METTL2B: variants seen among roughly 807,000 people sequenced by gnomAD.
METTL2B encodes the protein methyltransferase 2B, tRNA N3-cytidine.
In METTL2B, 28 loss-of-function variants were observed where a neutral mutation model predicts 51.0. The ratio of observed to expected loss-of-function variants is 0.55; its 90% confidence interval spans 0.41 to 0.75. The LOEUF is 0.75. Among genes scored for constraint, METTL2B ranks in the 30% least tolerant of loss-of-function variants. METTL2B has a pLI of 0.00. For missense variants in METTL2B, 313 were observed against 460.7 expected (o/e 0.68, Z 2.93); for synonymous variants, 128 against 166.3 (o/e 0.77, Z 1.77).
chr7:128,500,580 C>A (rs1288900193), intron 7 of METTL2B, among the ~76,000 whole-genome samples: 1 of 152,070 alleles, frequency 6.6e-6, no homozygotes, highest in Admixed American at 6.6e-5. Flanking sequence ...TGAGGTCACG[C>A]CATTGCACCC....
At chr7:128,481,500 GAAGGA>G (rs1799872641) in intron 4 of METTL2B, among the ~76,000 whole-genome samples, 3 of 152,240 alleles carry the variant, frequency 2.0e-5, no homozygotes, top group Non-Finnish European at 4.4e-5. Context: ...TGTTTGTTAT[GAAGGA>G]TACAGATTAA....
At chr7:128,481,826 G>A (rs568480785) in intron 4 of METTL2B, among the ~76,000 whole-genome samples, 36 of 152,112 alleles carry the variant, frequency 2.4e-4, no homozygotes, top group Non-Finnish European at 4.0e-4. Context: ...TTTATTTTTT[G>A]TAGAGACAGG....
chr7:128,484,217 C>CTTTTTTTTTTTTGTTTTTT (rs1428525341), intron 4 of METTL2B: 3 of 42,412 alleles, frequency 7.1e-5, no homozygotes, highest in African/African-American at 3.0e-4. Context: ...TGCCTAGATC[C>CTTTTTTTTTTTTGTTTTTT]TTTTTTTTTT....
chr7:128,496,111 C>T (rs1293424237), intron 6 of METTL2B, among the ~76,000 whole-genome samples: 1 of 152,134 alleles, frequency 6.6e-6, no homozygotes, highest in Non-Finnish European at 1.5e-5. Flanking sequence ...AGGATAGGAG[C>T]TTTGAGTGAT....
At chr7:128,481,765 C>T (rs1425002419) in intron 4 of METTL2B, among the ~76,000 whole-genome samples, 2 of 152,192 alleles carry the variant, frequency 1.3e-5, no homozygotes, top group African/African-American at 2.4e-5. Flanking sequence ...ACCTCAGCCT[C>T]CCAAGTAGCT....
At chr7:128,484,369 C>T (rs1355292356) in intron 4 of METTL2B, among the ~76,000 whole-genome samples, 4 of 151,170 alleles carry the variant, frequency 2.6e-5, no homozygotes, top group Admixed American at 1.3e-4. Flanking sequence ...GGACAACAGG[C>T]GTGTGCCACC....
intron 4 of METTL2B, chr7:128,484,232 T>TTTTTTTTTTTTTGTTTTTTTTTTGTTG (rs1792654248): frequency 3.6e-5 from 3 of 83,568 alleles, no homozygotes; most frequent in African/African-American, 1.5e-4. Flanking sequence ...TTTTTTTTTT[T>TTTTTTTTTTTTTGTTTTTTTTTTGTTG]TTTTTTTTTT....
intron 6 of METTL2B, among the ~76,000 whole-genome samples, chr7:128,496,140 C>T (rs1430220475): frequency 6.8e-6 from 1 of 147,460 alleles, no homozygotes; most frequent in East Asian, 1.9e-4. Context: ...CTCTAGAAGG[C>T]CACACTTCCT....
intron 6 of METTL2B, among the ~76,000 whole-genome samples, chr7:128,496,121 T>C (rs1212151887): frequency 7.2e-5 from 11 of 152,238 alleles, no homozygotes; most frequent in Non-Finnish European, 1.5e-4. Context: ...CTTTGAGTGA[T>C]TGACCTTCCT....
chr7:128,493,661 T>C, intron 5 of METTL2B, 143 bp from the exon 6 acceptor site: 5 of 1,181,398 alleles, frequency 4.2e-6, no homozygotes, highest in Non-Finnish European at 5.8e-6. Context: ...GGGGAGATTT[T>C]GCCTCAAGAA....
intron 6 of METTL2B, among the ~76,000 whole-genome samples, chr7:128,495,453 T>C (rs117245057): frequency 0.03 from 4,571 of 152,056 alleles, 109 homozygotes; most frequent in Non-Finnish European, 0.046. Flanking sequence ...CTTCTCTCTT[T>C]TTTTTATTTT....
In METTL2B at chr7:128,477,186, G is replaced by A; in HGVS notation, c.202+13G>A. 6.2e-7 allele frequency: 1 copy of A among 1,613,818 alleles called. No homozygotes were observed. Among genetic ancestry groups the A allele is most frequent in the East Asian group, 2.2e-5 (1 of 44,880 alleles). ...CAGGAGAAACAAGGTGCGCTTAAATGGGCTCTCGTTGGTATCAACAGCCAG... is the reference window on the plus strand; with the variant it reads ...CAGGAGAAACAAGGTGCGCTTAAATAGGCTCTCGTTGGTATCAACAGCCAG... On this transcript the variant is annotated intron_variant, in intron 2 of 8. Coordinates refer to ENST00000262432, the MANE Select transcript of METTL2B (RefSeq NM_018396.3).
chr7:128,488,979 G>A (rs1012923563), intron 5 of METTL2B, among the ~76,000 whole-genome samples: 10 of 152,026 alleles, frequency 6.6e-5, no homozygotes, highest in African/African-American at 2.4e-4. Context: ...ACAAAAAATG[G>A]CACATACCTG....
intron 5 of METTL2B, among the ~76,000 whole-genome samples, chr7:128,492,595 G>T (rs1034061875): frequency 1.3e-5 from 1 of 79,662 alleles, no homozygotes; most frequent in Admixed American, 1.0e-4. Flanking sequence ...CGTGCTTTTG[G>T]TTTGTTTGTT....
intron 5 of METTL2B, among the ~76,000 whole-genome samples, chr7:128,490,411 G>C (rs1346701584): frequency 6.8e-6 from 1 of 147,016 alleles, no homozygotes; most frequent in East Asian, 2.0e-4. Flanking sequence ...CTGTAGCCTT[G>C]AATTTTGGGC....
In METTL2B at chr7:128,480,694, C is replaced by T. The variant is rs376449779; in HGVS notation, c.606C>T (p.Asn202=). The T allele has an allele frequency of 3.1e-6, 5 of 1,605,924 alleles. No homozygotes were observed. Among genetic ancestry groups the T allele is most frequent in the Non-Finnish European group, 4.2e-6 (5 of 1,177,428 alleles). ...CAGTCTTTCCAATTTTACAAACGAA[C>T]AAGTAAGTATGTTGTAAAAGTTTAT... ...GNTVFPILQT[N]NDPGLFVYCC... The change falls in exon 4 of 9, where the codon AAC becomes AAT. Residue 202 remains asparagine (N), a splice_region_variant and synonymous_variant. Transcript: ENST00000262432.
At chr7:128,486,910 C>A (rs1792728963) in intron 4 of METTL2B, among the ~76,000 whole-genome samples, 1 of 152,182 alleles carries the variant, frequency 6.6e-6, no homozygotes, top group Admixed American at 6.5e-5. Context: ...TAGAACTTAG[C>A]CCGTGACCTT....
chr7:128,478,980 A>G (rs1429859230), intron 2 of METTL2B, among the ~76,000 whole-genome samples, 178 bp from the exon 3 acceptor site: 4 of 152,228 alleles, frequency 2.6e-5, no homozygotes, highest in South Asian at 2.1e-4. Flanking sequence ...GCATTTGGGT[A>G]TAATGCCAGA....
chr7:128,478,373 C>A (rs527368367), intron 2 of METTL2B, among the ~76,000 whole-genome samples: 36 of 151,640 alleles, frequency 2.4e-4, no homozygotes, highest in African/African-American at 8.7e-4. Context: ...GCCTCAGCCT[C>A]CCGAGTAGCT....
Sources: allele counts gnomAD v4.1 joint callset (sites outside exome capture counted in the v4.1 genomes callset), GRCh38; gene constraint gnomAD v4.1.1; transcripts MANE v1.5; gene names NCBI Gene and HGNC (gene_info 2026-07-23, HGNC 2026-07-21).